LRP1B: variants seen among roughly 807,000 people sequenced by gnomAD.
The protein encoded by LRP1B is low-density lipoprotein receptor-related protein 1B.
LRP1B carries 217 observed loss-of-function variants against 556.6 expected under a neutral mutation model. That is an observed-to-expected ratio of 0.39 (90% CI 0.35 to 0.44). The LOEUF (loss-of-function observed/expected upper bound fraction) is 0.44. Ranked by LOEUF, LRP1B falls within the 20% of genes least tolerant of loss-of-function variation. The pLI is 1.00. For synonymous variants in LRP1B, 2,047 were observed against 1,865.8 expected, an observed-to-expected ratio of 1.10 and a Z score of -2.50; for missense variants, 5,053 against 5,620.8, an observed-to-expected ratio of 0.90 and a Z score of 3.23.
intron 1 of LRP1B, among the ~76,000 whole-genome samples, chr2:141,838,127 T>C (rs1441181770): frequency 1.3e-5 from 2 of 152,094 alleles, no homozygotes; most frequent in African/African-American, 2.4e-5. Flanking sequence ...GTCTGCCAAA[T>C]AGATCTTAAG....
At chr2:141,947,955 T>G (rs1701002099) in intron 1 of LRP1B, among the ~76,000 whole-genome samples, 1 of 152,092 alleles carries the variant, frequency 6.6e-6, no homozygotes, top group Non-Finnish European at 1.5e-5. Flanking sequence ...ATGTGATCCT[T>G]GTCAAGACAC....
At chr2:141,084,397 A>T (rs905162477) in intron 7 of LRP1B, among the ~76,000 whole-genome samples, 1 of 152,232 alleles carries the variant, frequency 6.6e-6, no homozygotes, top group African/African-American at 2.4e-5. Context: ...GTTAAGGAAC[A>T]TTATTTAAAA....
intron 31 of LRP1B, among the ~76,000 whole-genome samples, chr2:140,831,615 A>G (rs1349118301): frequency 1.3e-5 from 2 of 152,340 alleles, no homozygotes; most frequent in East Asian, 1.9e-4. Context: ...GGTCTGGGCA[A>G]TGATTCCTTG....
chr2:140,906,882 T>C (rs982156190), intron 22 of LRP1B, among the ~76,000 whole-genome samples: 1 of 151,806 alleles, frequency 6.6e-6, no homozygotes, highest in African/African-American at 2.4e-5. Flanking sequence ...TGTGTAATTT[T>C]AGCCTCATCG....
intron 41 of LRP1B, among the ~76,000 whole-genome samples, chr2:140,690,041 T>G (rs1415120119): frequency 6.6e-6 from 1 of 152,010 alleles, no homozygotes; most frequent in Non-Finnish European, 1.5e-5. Flanking sequence ...TTGAAAGCAA[T>G]TGAGAAACAA....
At chr2:141,204,131 G>A (rs1266585414) in intron 6 of LRP1B, among the ~76,000 whole-genome samples, 1 of 152,018 alleles carries the variant, frequency 6.6e-6, no homozygotes, top group Non-Finnish European at 1.5e-5. Context: ...TAATGAGGTT[G>A]GACAAACATT....
chr2:141,619,654 A>G (rs146096469), intron 2 of LRP1B, among the ~76,000 whole-genome samples: 1 of 152,206 alleles, frequency 6.6e-6, no homozygotes, highest in South Asian at 2.1e-4. Flanking sequence ...CAAATTAATG[A>G]ATTCAAATTA....
At chr2:141,927,668 G>T (rs1700370102) in intron 1 of LRP1B, among the ~76,000 whole-genome samples, 1 of 151,792 alleles carries the variant, frequency 6.6e-6, no homozygotes, top group Admixed American at 6.6e-5. Context: ...GTTTTCAGTT[G>T]TTGCAGCTAA....
At chr2:141,939,249 T>A (rs1558974197) in intron 1 of LRP1B, among the ~76,000 whole-genome samples, 1 of 152,164 alleles carries the variant, frequency 6.6e-6, no homozygotes, top group African/African-American at 2.4e-5. Context: ...ACACTGTATA[T>A]ATACACACAC....
intron 21 of LRP1B, among the ~76,000 whole-genome samples, chr2:140,921,092 T>A (rs560983923): frequency 1.3e-5 from 2 of 152,148 alleles, no homozygotes; most frequent in South Asian, 4.1e-4. Flanking sequence ...TTAATCGTAC[T>A]ATTTATTATT....
intron 3 of LRP1B, among the ~76,000 whole-genome samples, chr2:141,434,030 A>G (rs1680665723): frequency 6.6e-6 from 1 of 150,690 alleles, no homozygotes; most frequent in African/African-American, 2.4e-5. Flanking sequence ...AAGATTTTCT[A>G]TCTTTGGCTT....
intron 51 of LRP1B, 48 bp downstream of exon 51, chr2:140,514,605 A>T (rs373555029): frequency 1.3e-6 from 2 of 1,554,166 alleles, no homozygotes. Flanking sequence ...ATGATAGAGC[A>T]TATATAATGC....
At chr2:141,613,222 T>C (rs1018653435) in intron 2 of LRP1B, among the ~76,000 whole-genome samples, 11 of 152,100 alleles carry the variant, frequency 7.2e-5, no homozygotes, top group African/African-American at 2.4e-5. Flanking sequence ...TTATTCTCCT[T>C]TCTCTCTGGT....
intron 83 of LRP1B, among the ~76,000 whole-genome samples, chr2:140,298,302 T>G (rs868258507): frequency 6.4e-4 from 34 of 52,812 alleles, no homozygotes; most frequent in Middle Eastern, 0.013. Context: ...CCCTTTCAAT[T>G]ATTTTTATTC....
rs530645133 is a variant in LRP1B at position 140,804,191 on chromosome 2, T to C, written c.5359+9466A>G. On this transcript the variant is annotated intron_variant, in intron 32 of 90. Coordinates refer to ENST00000389484, the MANE Select transcript of LRP1B (RefSeq NM_018557.3). ...TTTTCAAATTATCAGACTCCCCACC[T>C]TGTTATAATAAGACAGCATATAGAC... Among the ~76,000 whole-genome samples, 21 of 152,102 alleles carry C rather than the reference T, an allele frequency of 1.4e-4. No homozygotes were observed. The South Asian group carries it at 1.7e-3, about 12-fold the overall frequency.
chr2:140,776,143 A>G lies in LRP1B; in HGVS notation c.5455T>C (p.Ser1819Pro). ...RNPTILRNKT[S>P]GVVHMKVYDK... Reference sequence around the variant, plus strand: ...TAGACTTTCATATGAACTACCCCAGAAGTCTTATTCCGTAGGATGGTGGGG... The same window carrying G: ...TAGACTTTCATATGAACTACCCCAGGAGTCTTATTCCGTAGGATGGTGGGG... The change falls in exon 33 of 91, where the codon TCT becomes CCT. Residue 1819 changes from serine to proline, a missense_variant. Around this residue, in one of 5 missense-constraint regions of LRP1B, gnomAD observed 3,619 missense variants for 3,931.9 expected, o/e 0.92. Coordinates refer to ENST00000389484, the MANE Select transcript of LRP1B (RefSeq NM_018557.3). 6.3e-7 allele frequency: 1 copy of G among 1,579,548 alleles called. No individual in the cohort carries two copies. The highest frequency in any genetic ancestry group is 8.6e-7 in the Non-Finnish European group (1 of 1,167,946).
intron 2 of LRP1B, among the ~76,000 whole-genome samples, chr2:141,654,410 G>A (rs355560): frequency 1 from 151,992 of 152,240 alleles, 75,872 homozygotes; most frequent in Non-Finnish European, 1. Context: ...CTGAAACCTT[G>A]CTTGAACTGC....
At chr2:140,304,917 T>C (rs903645754) in intron 83 of LRP1B, among the ~76,000 whole-genome samples, 4 of 152,222 alleles carry the variant, frequency 2.6e-5, no homozygotes, top group Non-Finnish European at 5.9e-5. Flanking sequence ...TAGGGAATCC[T>C]TTCCCCATTT....
rs929817627 is a variant in LRP1B at position 140,503,698 on chromosome 2, T to C, written c.8522-595A>G. On this transcript the variant is annotated intron_variant, in intron 53 of 90. Transcript: ENST00000389484. ...CAGAAAAAACATCATTTGGTAAAAGTTCATATCTATGCCTATTTGTAAATA... is the reference window on the plus strand; with the variant it reads ...CAGAAAAAACATCATTTGGTAAAAGCTCATATCTATGCCTATTTGTAAATA... Among the ~76,000 whole-genome samples, 8 of 152,104 alleles carry C rather than the reference T, an allele frequency of 5.3e-5. 1 individual carries two copies. The highest frequency in any genetic ancestry group is 1.9e-4 in the African/African-American group (8 of 41,436).
Sources: allele counts gnomAD v4.1 joint callset (sites outside exome capture counted in the v4.1 genomes callset), GRCh38; gene constraint gnomAD v4.1.1; regional missense constraint gnomAD v4.1.1; transcripts MANE v1.5; gene names NCBI Gene and HGNC (gene_info 2026-07-23, HGNC 2026-07-21).